ARHGAP24: variants seen among roughly 807,000 people sequenced by gnomAD.
The protein encoded by ARHGAP24 is rho GTPase-activating protein 24.
A neutral mutation model predicts 76.4 loss-of-function variants in ARHGAP24; 50 were observed. The observed-to-expected ratio is 0.65, with a 90% CI of 0.52 to 0.83. ARHGAP24 has a LOEUF of 0.83. ARHGAP24 is among the 40% of genes least tolerant of loss of function. ARHGAP24 has a pLI of 0.00. For missense variants in ARHGAP24, 930 were observed against 914.2 expected (o/e 1.02, Z -0.22); for synonymous variants, 345 against 323.3 (o/e 1.07, Z -0.72).
chr4:85,732,297 G>C (rs914116762), intron 3 of ARHGAP24, among the ~76,000 whole-genome samples: 9 of 152,162 alleles, frequency 5.9e-5, no homozygotes, highest in African/African-American at 2.2e-4. Context: ...GTCAGAATGA[G>C]AAAGGGGAAT....
chr4:85,603,594 G>A (rs1720103433), intron 2 of ARHGAP24, among the ~76,000 whole-genome samples: 1 of 152,160 alleles, frequency 6.6e-6, no homozygotes, highest in Non-Finnish European at 1.5e-5. Context: ...CTCCTCAGCT[G>A]ACAGTCAAAC....
At position 85,890,479 on chromosome 4, in the gene ARHGAP24, G is replaced by A. The variant is rs566365483; in HGVS notation, c.269-33169G>A. Among the ~76,000 whole-genome samples the A allele has an allele frequency of 3.7e-4, 56 of 152,266 alleles. 2 individuals carry two copies. In the South Asian group the frequency reaches 0.01, roughly 28 times the overall value. ...TGTGAATATGGGTGGTGATGGAAGC[G>A]TGAACAAACATAACCACAGAGGGAA... On this transcript the variant is annotated intron_variant, in intron 3 of 9. Coordinates refer to ENST00000395184, the MANE Select transcript of ARHGAP24 (RefSeq NM_001025616.3).
At chr4:85,876,126 A>C (rs914962040) in intron 3 of ARHGAP24, among the ~76,000 whole-genome samples, 2 of 152,166 alleles carry the variant, frequency 1.3e-5, no homozygotes, top group Non-Finnish European at 2.9e-5. Context: ...AAATGGAGAT[A>C]AGCTATTTCA....
chr4:85,706,489 T>C (rs1409324743), intron 2 of ARHGAP24, among the ~76,000 whole-genome samples: 1 of 152,096 alleles, frequency 6.6e-6, no homozygotes, highest in African/African-American at 2.4e-5. Flanking sequence ...AAAAATCTAG[T>C]GAAACAGATT....
At chr4:85,664,856 G>C (rs1722548732) in intron 2 of ARHGAP24, among the ~76,000 whole-genome samples, 2 of 152,158 alleles carry the variant, frequency 1.3e-5, no homozygotes, top group Admixed American at 1.3e-4. Context: ...GTTCTAGTTT[G>C]ATTGCACTGT....
intron 3 of ARHGAP24, among the ~76,000 whole-genome samples, chr4:85,760,111 A>C (rs1443730200): frequency 6.6e-6 from 1 of 152,186 alleles, no homozygotes; most frequent in Non-Finnish European, 1.5e-5. Context: ...GTTTAATTCC[A>C]TTTATTCTTT....
At chr4:85,872,018 A>G (rs1217632751) in intron 3 of ARHGAP24, among the ~76,000 whole-genome samples, 2 of 151,626 alleles carry the variant, frequency 1.3e-5, no homozygotes, top group African/African-American at 4.8e-5. Context: ...TCTAGTGTGC[A>G]CCATATATTA....
At chr4:85,525,100 C>T (rs1724928141) in intron 1 of ARHGAP24, among the ~76,000 whole-genome samples, 1 of 152,072 alleles carries the variant, frequency 6.6e-6, no homozygotes, top group African/African-American at 2.4e-5. Flanking sequence ...GTTTCATCTG[C>T]ATCTATATTG....
At chr4:85,636,119 TG>T (rs926155652) in intron 2 of ARHGAP24, among the ~76,000 whole-genome samples, 13 of 151,840 alleles carry the variant, frequency 8.6e-5, no homozygotes, top group Admixed American at 7.2e-4. Flanking sequence ...CTTGATTTCC[TG>T]CCTCATGTGA....
At chr4:85,850,313 A>G (rs1322507524) in intron 3 of ARHGAP24, among the ~76,000 whole-genome samples, 1 of 151,916 alleles carries the variant, frequency 6.6e-6, no homozygotes, top group African/African-American at 2.4e-5. Context: ...ATCATTTTTT[A>G]TTGCATCTAT....
intron 3 of ARHGAP24, among the ~76,000 whole-genome samples, chr4:85,793,553 G>C (rs894796630): frequency 6.6e-6 from 1 of 152,054 alleles, no homozygotes; most frequent in Non-Finnish European, 1.5e-5. Context: ...ATGGCATCTG[G>C]CAAACTCTGT....
chr4:85,531,907 T>G (rs1578012664), intron 1 of ARHGAP24, among the ~76,000 whole-genome samples: 1 of 152,118 alleles, frequency 6.6e-6, no homozygotes, highest in East Asian at 1.9e-4. Flanking sequence ...CTGTGTTTTA[T>G]TTTTACCTAT....
chr4:85,625,511 G>A lies in ARHGAP24; in HGVS notation c.180+54790G>A, dbSNP rs552992520. ...TTCCAACTATGTGGTCAATTTTGGAGTAGGTGTGGTGTGGAGCTGAAAAGA... is the reference window on the plus strand; with the variant it reads ...TTCCAACTATGTGGTCAATTTTGGAATAGGTGTGGTGTGGAGCTGAAAAGA... On this transcript the variant is annotated intron_variant, in intron 2 of 9. Transcript: ENST00000395184. Among the ~76,000 whole-genome samples the A allele has an allele frequency of 5.1e-3, 779 of 152,210 alleles. 18 individuals are homozygous for A. The highest frequency in any genetic ancestry group is 0.03 in the Admixed American group (458 of 15,276).
At chr4:85,758,063 G>GA (rs34718407) in intron 3 of ARHGAP24, among the ~76,000 whole-genome samples, 28,164 of 151,416 alleles carry the variant, frequency 0.19, 3,314 homozygotes, top group East Asian at 0.54. Context: ...GAAGAAGGGG[G>GA]AAAAAAAAGC....
intron 8 of ARHGAP24, among the ~76,000 whole-genome samples, chr4:85,992,947 C>G (rs1302520770): frequency 1.3e-5 from 2 of 152,006 alleles, no homozygotes; most frequent in Non-Finnish European, 2.9e-5. Context: ...TATAGTAGGA[C>G]AAATGCATAA....
At chr4:85,765,095 A>C (rs1488361095) in intron 3 of ARHGAP24, among the ~76,000 whole-genome samples, 1 of 152,158 alleles carries the variant, frequency 6.6e-6, no homozygotes, top group Non-Finnish European at 1.5e-5. Context: ...CCTAAGAATC[A>C]AACTTTACAT....
Position 85,995,411 on chromosome 4 carries a change from G to A in ARHGAP24, c.1757G>A (p.Gly586Glu). The change falls in exon 9 of 10, where the codon GGG becomes GAG. Residue 586 changes from glycine to glutamate, a missense_variant. Gly to Glu is a moderately conservative substitution (Grantham distance 98). Coordinates refer to ENST00000395184, the MANE Select transcript of ARHGAP24 (RefSeq NM_001025616.3). The part of the protein sequence containing the change: ...TTCPEQDFFG[G>E]NFEDPVLDGP... The stretch of plus-strand genomic sequence containing the variant: ...TGCCCAGAGCAAGACTTTTTTGGGG[G>A]GAACTTTGAGGACCCTGTTTTGGAT... 2 of 1,612,520 alleles carry A rather than the reference G, an allele frequency of 1.2e-6. No individual in the cohort carries two copies. The highest frequency in any genetic ancestry group is 1.7e-6 in the Non-Finnish European group (2 of 1,178,762).
At chr4:85,539,346 T>G (rs1198320019) in intron 1 of ARHGAP24, among the ~76,000 whole-genome samples, 1 of 152,186 alleles carries the variant, frequency 6.6e-6, no homozygotes, top group Non-Finnish European at 1.5e-5. Flanking sequence ...ACTTGCAATT[T>G]TTTTTGTACT....
At chr4:85,548,657 A>C (rs1054317853) in intron 1 of ARHGAP24, among the ~76,000 whole-genome samples, 16 of 152,242 alleles carry the variant, frequency 1.1e-4, no homozygotes, top group Admixed American at 9.2e-4. Context: ...TCAACTTTTT[A>C]ACAGCTTTTT....
Sources: allele counts gnomAD v4.1 joint callset (sites outside exome capture counted in the v4.1 genomes callset), GRCh38; gene constraint gnomAD v4.1.1; transcripts MANE v1.5; gene names NCBI Gene and HGNC (gene_info 2026-07-23, HGNC 2026-07-21).